The following CCNYL1 variants were observed in gnomAD, a reference collection of about 807,000 sequenced individuals.
CCNYL1 encodes the protein cyclin-Y-like protein 1.
In CCNYL1, 16 loss-of-function variants were observed where a neutral mutation model predicts 44.2. That is an observed-to-expected ratio of 0.36 (90% CI 0.25 to 0.55). CCNYL1 has a LOEUF of 0.55. CCNYL1 is among the 20% of genes least tolerant of loss of function. The pLI is 0.85. For synonymous variants in CCNYL1, 159 were observed against 163.2 expected (o/e 0.97, Z 0.20); for missense variants, 348 against 451.8 (o/e 0.77, Z 2.08).
At chr2:207,719,720 C>T (rs759266863) in intron 1 of CCNYL1, among the ~76,000 whole-genome samples, 2 of 151,942 alleles carry the variant, frequency 1.3e-5, no homozygotes, top group Non-Finnish European at 2.9e-5. Context: ...TTGAGTTTGC[C>T]AAGGTTTTTT....
In CCNYL1 at chr2:207,740,705, C is replaced by T. The variant is rs1412742221; in HGVS notation, c.518C>T (p.Thr173Ile). 1 of 1,593,984 alleles carries T rather than the reference C, an allele frequency of 6.3e-7. No individual in the cohort carries two copies. Among genetic ancestry groups the T allele is most frequent in the African/African-American group, 1.3e-5 (1 of 74,470 alleles). The stretch of plus-strand genomic sequence containing the variant: ...TTTGATGAGAGATCACATCCACTTA[C>T]AGTAAGTGTCACTTTTTTTGAGGTA... ...DIFDERSHPLTREKVPEEYFK... is the reference protein window; with the variant it reads ...DIFDERSHPLIREKVPEEYFK... Residue 173 changes from threonine to isoleucine, a missense_variant and splice_region_variant, in exon 6 of 10, where the codon ACA (threonine) becomes ATA (isoleucine). Physicochemically the swap from Thr to Ile is moderately conservative, Grantham distance 89. Coordinates refer to ENST00000295414, the MANE Select transcript of CCNYL1 (RefSeq NM_001330218.2).
intron 1 of CCNYL1, among the ~76,000 whole-genome samples, chr2:207,721,223 C>T (rs1035531666): frequency 1.3e-5 from 2 of 152,156 alleles, no homozygotes; most frequent in African/African-American, 4.8e-5. Context: ...GCCAATGTCT[C>T]CTGTTTAATT....
At chr2:207,729,321 T>C (rs933078995) in intron 3 of CCNYL1, among the ~76,000 whole-genome samples, 9 of 135,488 alleles carry the variant, frequency 6.6e-5, no homozygotes, top group African/African-American at 1.4e-4. Flanking sequence ...TCTTTTGTTC[T>C]ACTTCTTGGG....
chr2:207,724,772 G>C (rs1271737584), intron 1 of CCNYL1, 28 bp from the exon 2 acceptor site: 1 of 1,524,628 alleles, frequency 6.6e-7, no homozygotes, highest in African/African-American at 1.4e-5. Flanking sequence ...CACCTAAAGT[G>C]TCACGTCTTT....
intron 9 of CCNYL1, among the ~76,000 whole-genome samples, chr2:207,753,100 G>A (rs970282225): frequency 1.3e-5 from 2 of 151,918 alleles, no homozygotes; most frequent in African/African-American, 4.8e-5. Flanking sequence ...AATACCTTTT[G>A]GCGCGTCAGT....
At chr2:207,717,613 T>C (rs2091607034) in intron 1 of CCNYL1, among the ~76,000 whole-genome samples, 1 of 152,186 alleles carries the variant, frequency 6.6e-6, no homozygotes, top group Non-Finnish European at 1.5e-5. Context: ...GAAAGATGGC[T>C]GCTCTCCTTA....
chr2:207,746,355 A>G (rs571777950), intron 7 of CCNYL1, among the ~76,000 whole-genome samples: 12 of 152,328 alleles, frequency 7.9e-5, no homozygotes, highest in African/African-American at 2.9e-4. Flanking sequence ...ATTTGAGCAT[A>G]ATATAGCTAC....
In CCNYL1 at chr2:207,753,581, T is replaced by G. The variant is rs371917513; in HGVS notation, c.970-7T>G. The G allele has an allele frequency of 1.3e-6, 2 of 1,589,432 alleles. No individual in the cohort carries two copies. The highest frequency in any genetic ancestry group is 2.7e-5 in the African/African-American group (2 of 74,210). On this transcript the variant is annotated splice_region_variant and splice_polypyrimidine_tract_variant and intron_variant, in intron 9 of 9. Coordinates refer to ENST00000295414, the MANE Select transcript of CCNYL1 (RefSeq NM_001330218.2). The stretch of plus-strand genomic sequence containing the variant: ...GTACCTGTTTTCTATTTGATTGACT[T>G]TCCTAGGCTATTTCTAGATTGTGTG...
chr2:207,736,693 G>T (rs1286224829), intron 4 of CCNYL1, among the ~76,000 whole-genome samples: 3 of 152,074 alleles, frequency 2.0e-5, no homozygotes, highest in African/African-American at 7.2e-5. Flanking sequence ...GGGTGGGTAG[G>T]TGATAGTTAA....
intron 3 of CCNYL1, among the ~76,000 whole-genome samples, chr2:207,733,241 A>C (rs1201633630): frequency 6.6e-6 from 1 of 152,228 alleles, no homozygotes; most frequent in Non-Finnish European, 1.5e-5. Flanking sequence ...TAAAATTAAT[A>C]ACATTTTGAA....
intron 3 of CCNYL1, among the ~76,000 whole-genome samples, chr2:207,727,766 T>G (rs1294186256): frequency 6.6e-6 from 1 of 152,160 alleles, no homozygotes; most frequent in African/African-American, 2.4e-5. Flanking sequence ...TCCTGGGATA[T>G]CTCTCTGAAG....
chr2:207,751,885 A>C (rs1459333581), intron 9 of CCNYL1, among the ~76,000 whole-genome samples: 1 of 151,312 alleles, frequency 6.6e-6, no homozygotes, highest in Non-Finnish European at 1.5e-5. Context: ...CACACACACA[A>C]AAATACAGGC....
intron 7 of CCNYL1, among the ~76,000 whole-genome samples, chr2:207,743,092 C>G (rs143202645): frequency 7.0e-4 from 107 of 152,320 alleles, no homozygotes; most frequent in African/African-American, 2.5e-3. Context: ...GTACCTACTC[C>G]TTTAGCATCC....
chr2:207,719,497 C>T (rs1047338292), intron 1 of CCNYL1, among the ~76,000 whole-genome samples: 8 of 151,956 alleles, frequency 5.3e-5, no homozygotes, highest in African/African-American at 1.5e-4. Flanking sequence ...GAAGGGGTTT[C>T]GCCATCTTGG....
At chr2:207,732,556 A>T (rs1266419032) in intron 3 of CCNYL1, among the ~76,000 whole-genome samples, 1 of 152,036 alleles carries the variant, frequency 6.6e-6, no homozygotes, top group Admixed American at 6.6e-5. Flanking sequence ...GGTAAAAACT[A>T]TCATATTAAT....
chr2:207,744,828 C>A (rs753346615), intron 7 of CCNYL1, among the ~76,000 whole-genome samples: 1 of 152,160 alleles, frequency 6.6e-6, no homozygotes, highest in African/African-American at 2.4e-5. Flanking sequence ...GAGGGTGATA[C>A]AGGTGAGCAG....
intron 3 of CCNYL1, among the ~76,000 whole-genome samples, chr2:207,729,752 C>G (rs1375579721): frequency 6.6e-6 from 1 of 152,066 alleles, no homozygotes; most frequent in Middle Eastern, 3.4e-3. Context: ...GTCATCCATA[C>G]TGGAGTGCAG....
rs2091549843 is a variant in CCNYL1 at position 207,711,792 on chromosome 2, G to C, written c.-105G>C. ...GCGGTGCAGCCCCAGCGTAGCCCGGGGCTGCCGGTGCCGGCCGCGCCATTG... is the reference window on the plus strand; with the variant it reads ...GCGGTGCAGCCCCAGCGTAGCCCGGCGCTGCCGGTGCCGGCCGCGCCATTG... On this transcript the variant is annotated 5_prime_UTR_variant, in exon 1 of 10. Transcript: ENST00000295414. 5.4e-6 allele frequency: 4 copies of C among 737,618 alleles called. No individual in the cohort carries two copies. The highest frequency in any genetic ancestry group is 7.8e-6 in the Non-Finnish European group (4 of 512,716). The allele number at this position is 737,618 out of a possible 1,614,324, so 45.7% of individuals were successfully genotyped here.
chr2:207,721,075 G>A (rs1012050609), intron 1 of CCNYL1, among the ~76,000 whole-genome samples: 1 of 152,172 alleles, frequency 6.6e-6, no homozygotes, highest in African/African-American at 2.4e-5. Context: ...AAATCTCAGC[G>A]TTTACATCAT....
Sources: allele counts gnomAD v4.1 joint callset (sites outside exome capture counted in the v4.1 genomes callset), GRCh38; gene constraint gnomAD v4.1.1; transcripts MANE v1.5; gene names NCBI Gene and HGNC (gene_info 2026-07-23, HGNC 2026-07-21).